ATP2A3: variants seen among roughly 807,000 people sequenced by gnomAD.
ATP2A3 encodes the protein ATPase sarcoplasmic/endoplasmic reticulum Ca2+ transporting 3.
In ATP2A3, 61 loss-of-function variants were observed where a neutral mutation model predicts 106.8. That is an observed-to-expected ratio of 0.57 (90% CI 0.46 to 0.71). ATP2A3 has a LOEUF of 0.71. ATP2A3 is among the 30% of genes least tolerant of loss of function. The pLI is 0.00. For missense variants in ATP2A3, 1,201 were observed against 1,423.5 expected (o/e 0.84, Z 2.52); for synonymous variants, 611 against 609.3 (o/e 1.00, Z -0.04).
At chr17:3,940,855 ATAAGATGTTAGAAAAGG>A in intron 14 of ATP2A3, 99 bp downstream of exon 14, 1 of 1,288,894 alleles carries the variant, frequency 7.8e-7, no homozygotes, top group Non-Finnish European at 1.1e-6. Flanking sequence ...TTTTTTGGTA[ATAAGATGTTAGAAAAGG>A]TAAGAATGAG....
chr17:3,950,823 T>A, intron 5 of ATP2A3, 50 bp from the exon 6 acceptor site: 1 of 1,575,936 alleles, frequency 6.3e-7, no homozygotes, highest in East Asian at 2.3e-5. Flanking sequence ...CACCACCAGC[T>A]GGGAAAAGCC....
At chr17:3,944,104 G>A (rs989827171) in intron 10 of ATP2A3, among the ~76,000 whole-genome samples, 5 of 152,198 alleles carry the variant, frequency 3.3e-5, no homozygotes, top group African/African-American at 9.7e-5. Flanking sequence ...GGCTCAGCCC[G>A]CATCTCTCTG....
chr17:3,931,523 C>CTT (rs368874628), intron 17 of ATP2A3, among the ~76,000 whole-genome samples: 7 of 140,470 alleles, frequency 5.0e-5, no homozygotes, highest in Non-Finnish European at 4.7e-5. Flanking sequence ...GATCTTTTTT[C>CTT]TTTTTTTTTT....
intron 7 of ATP2A3, among the ~76,000 whole-genome samples, chr17:3,950,195 C>G (rs2054335460): frequency 6.7e-6 from 1 of 148,320 alleles, no homozygotes; most frequent in Admixed American, 6.7e-5. Flanking sequence ...GAGTTTTGCT[C>G]TCGTCACCCA....
At chr17:3,927,737 G>A in intron 20 of ATP2A3, 1 of 976,976 alleles carries the variant, frequency 1.0e-6, no homozygotes. Flanking sequence ...GCCCCTACAT[G>A]TGTCTGGCCA....
rs1018326822 is a variant in ATP2A3, at chr17:3,941,036, CGCGGGCGAAGCA to C, written c.2023_2034del (p.Cys675_Arg678del). 2 of 1,613,754 alleles carry C rather than the reference CGCGGGCGAAGCA, an allele frequency of 1.2e-6. No individual in the cohort carries two copies. The highest frequency in any genetic ancestry group is 1.3e-5 in the African/African-American group (1 of 74,910). ...ATGCGGGACTTGTGTGCGGGCTCCA[CGCGGGCGAAGCA>C]GCGGGCGGTGCGGCAGGCCTGGCGC... On this transcript the variant is annotated inframe_deletion, in exon 14 of 21. Coordinates refer to ENST00000397041, the MANE Select transcript of ATP2A3 (RefSeq NM_005173.4).
At chr17:3,934,735 C>G (rs915231208) in intron 17 of ATP2A3, among the ~76,000 whole-genome samples, 3 of 151,774 alleles carry the variant, frequency 2.0e-5, no homozygotes, top group African/African-American at 7.3e-5. Context: ...CGTTGGACGG[C>G]TGGTCTCGAA....
At position 3,941,449 on chromosome 17, in the gene ATP2A3, A is replaced by T; in HGVS notation, c.1751T>A (p.Phe584Tyr). ...EDMELDDCSK[F>Y]VQYETDLTFV... ...TCCTGCACCCACCTCGTACTGCACA[A>T]ACTTGCTGCAGTCGTCCAGCTCCAT... Residue 584 changes from phenylalanine to tyrosine, a missense_variant, in exon 13 of 21, where the codon TTT (phenylalanine) becomes TAT (tyrosine). Coordinates refer to ENST00000397041, the MANE Select transcript of ATP2A3 (RefSeq NM_005173.4). 6.2e-7 allele frequency: 1 copy of T among 1,613,738 alleles called. No homozygotes were observed. The highest frequency in any genetic ancestry group is 8.5e-7 in the Non-Finnish European group (1 of 1,179,792).
Position 3,953,213 on chromosome 17 carries a change from GCCAGGGAAGGCCAGGGCGCAGGC to G in ATP2A3, c.219+111_219+133del. 9.8e-7 allele frequency: 1 copy of G among 1,018,092 alleles called. No individual in the cohort carries two copies. Among genetic ancestry groups the G allele is most frequent in the East Asian group, 2.4e-5 (1 of 41,600 alleles). The allele number at this position is 1,018,092 out of a possible 1,614,324, so 63.1% of individuals were successfully genotyped here. A position where few individuals can be genotyped will look rare whatever the true frequency, so the allele number is the denominator to read the frequency against. Reference sequence around the variant, plus strand: ...GAAGCTGAAGTCTGAGCAGGGCAGGGCCAGGGAAGGCCAGGGCGCAGGCCCAGGGTGTGGAGGACAGGCCCAGG... The same window carrying G: ...GAAGCTGAAGTCTGAGCAGGGCAGGGCCAGGGTGTGGAGGACAGGCCCAGG... On this transcript the variant is annotated intron_variant, in intron 3 of 20. Coordinates refer to ENST00000397041, the MANE Select transcript of ATP2A3 (RefSeq NM_005173.4). The surrounding 1 kb of genome is among the most constrained non-coding windows in gnomAD (Gnocchi z 5.1).
chr17:3,929,510 C>T lies in ATP2A3; in HGVS notation c.2745-65G>A. 7.3e-7 allele frequency: 1 copy of T among 1,362,974 alleles called. No individual in the cohort carries two copies. The highest frequency in any genetic ancestry group is 1.0e-6 in the Non-Finnish European group (1 of 980,334). 84.4% of individuals were successfully genotyped at this position (1,362,974 alleles called of 1,614,324 possible). ...GGGAGGCCCTGCCAGGCACCCACCC[C>T]CATGGGAGGAGCCTCACCACTTCTC... On this transcript the variant is annotated intron_variant, in intron 18 of 20. Coordinates refer to ENST00000397041, the MANE Select transcript of ATP2A3 (RefSeq NM_005173.4). This position sits in a 1 kb window ranked among gnomAD's most constrained non-coding sequence, Gnocchi z 4.3.
In ATP2A3 at chr17:3,928,786, G is replaced by T; in HGVS notation, c.2863-6C>A. ...GGGGTCACCTGGAAAATGAGCTGGC[G>T]GGGAGGGGAAGGGAGGTTTGGTTAA... On this transcript the variant is annotated splice_region_variant and splice_polypyrimidine_tract_variant and intron_variant, in intron 19 of 20. Coordinates refer to ENST00000397041, the MANE Select transcript of ATP2A3 (RefSeq NM_005173.4). This position sits in a 1 kb window ranked among gnomAD's most constrained non-coding sequence, Gnocchi z 6.1. The T allele has an allele frequency of 6.4e-7, 1 of 1,552,714 alleles. No homozygotes were observed. Among genetic ancestry groups the T allele is most frequent in the South Asian group, 1.2e-5 (1 of 84,258 alleles).
chr17:3,924,722 C>A lies in ATP2A3; in HGVS notation c.*700G>T, dbSNP rs766176314. The A allele has an allele frequency of 2.2e-6, 1 of 456,348 alleles. No individual in the cohort carries two copies. Among genetic ancestry groups the A allele is most frequent in the Non-Finnish European group, 4.4e-6 (1 of 226,784 alleles). The allele number at this position is 456,348 out of a possible 1,614,324, so 28.3% of individuals were successfully genotyped here. A position where few individuals can be genotyped will look rare whatever the true frequency, so the allele number is the denominator to read the frequency against. ...GTCCAGCCAGGCTTTCCCGACTTGT[C>A]TCCCGGGAAAGGACATCCTCGCTCC... On this transcript the variant is annotated 3_prime_UTR_variant, in exon 21 of 21. Coordinates refer to ENST00000397041, the MANE Select transcript of ATP2A3 (RefSeq NM_005173.4). The surrounding 1 kb of genome is among the most constrained non-coding windows in gnomAD (Gnocchi z 6.4).
At position 3,953,778 on chromosome 17, in the gene ATP2A3, G is replaced by A. The variant is rs78002868; in HGVS notation, c.119-68C>T. Reference sequence around the variant, plus strand: ...GAGGAGTGGGTCACGCAGGGGCCTCGGGGGAGTCTGGCAGTGCCTCCCCAC... The same window carrying A: ...GAGGAGTGGGTCACGCAGGGGCCTCAGGGGAGTCTGGCAGTGCCTCCCCAC... On this transcript the variant is annotated intron_variant, in intron 1 of 20. Coordinates refer to ENST00000397041, the MANE Select transcript of ATP2A3 (RefSeq NM_005173.4). The surrounding 1 kb of genome is among the most constrained non-coding windows in gnomAD (Gnocchi z 5.1). 2.3e-4 allele frequency: 354 copies of A among 1,527,620 alleles called. 1 individual carries two copies. The African/African-American group carries it at 3.0e-3, about 13-fold the overall frequency. The allele number at this position is 1,527,620 out of a possible 1,614,324, so 94.6% of individuals were successfully genotyped here.
In ATP2A3 at chr17:3,924,418, T is replaced by G. The variant is rs1242950742; in HGVS notation, c.*1004A>C. ...TCCTTAGTGACATCCTTTCGGCTCA[T>G]GGGTGTCGTGGGGAGGGGGCAAGGA... On this transcript the variant is annotated 3_prime_UTR_variant, in exon 21 of 21. Coordinates refer to ENST00000397041, the MANE Select transcript of ATP2A3 (RefSeq NM_005173.4). The surrounding 1 kb of genome is among the most constrained non-coding windows in gnomAD (Gnocchi z 6.4). 2 of 205,314 alleles carry G rather than the reference T, an allele frequency of 9.7e-6. No individual in the cohort carries two copies. The highest frequency in any genetic ancestry group is 1.1e-4 in the Admixed American group (2 of 17,960). 12.7% of individuals were successfully genotyped at this position (205,314 alleles called of 1,614,324 possible).
rs776804783 is a variant in ATP2A3, at chr17:3,937,619, G to A, written c.2118C>T (p.Asn706=). The change falls in exon 15 of 21, where the codon AAC becomes AAT. Residue 706 remains asparagine (N), a synonymous_variant. Transcript: ENST00000397041. ...EITAMTGDGV[N]DAPALKKAEI... ...CTGCTTTCTTCAGGGCTGGTGCGTC[G>A]TTCACTCCATCGCCAGTCTGTGGGC... The A allele has an allele frequency of 1.7e-5, 28 of 1,613,684 alleles. No individual in the cohort carries two copies. Among genetic ancestry groups the A allele is most frequent in the African/African-American group, 1.3e-4 (10 of 74,914 alleles).
intron 9 of ATP2A3, 81 bp downstream of exon 9, chr17:3,944,979 C>T (rs2054023910): frequency 7.6e-7 from 1 of 1,316,638 alleles, no homozygotes; most frequent in East Asian, 3.3e-5. Context: ...CCCCAGGGGC[C>T]TCCCACGGCC....
intron 17 of ATP2A3, among the ~76,000 whole-genome samples, chr17:3,933,997 C>T (rs7219670): frequency 0.15 from 23,328 of 150,676 alleles, 2,257 homozygotes; most frequent in African/African-American, 0.22. Flanking sequence ...GATCTCAGCT[C>T]ACTGCAACTT....
In ATP2A3 at chr17:3,925,055, A is replaced by G. The variant is rs1227523695; in HGVS notation, c.*367T>C. 1.3e-5 allele frequency: 6 copies of G among 463,290 alleles called. No individual in the cohort carries two copies. The highest frequency in any genetic ancestry group is 6.1e-4 in the Middle Eastern group (1 of 1,628). 28.7% of individuals were successfully genotyped at this position (463,290 alleles called of 1,614,324 possible). A position where few individuals can be genotyped will look rare whatever the true frequency, so the allele number is the denominator to read the frequency against. On this transcript the variant is annotated 3_prime_UTR_variant, in exon 21 of 21. Coordinates refer to ENST00000397041, the MANE Select transcript of ATP2A3 (RefSeq NM_005173.4). This position sits in a 1 kb window ranked among gnomAD's most constrained non-coding sequence, Gnocchi z 4.2. ...AACGTCCAGCTTCCGAACAAGGGGG[A>G]GCAAGCTCCAGCTGCACTCGTGATT...
At chr17:3,931,524 T>TC in intron 17 of ATP2A3, among the ~76,000 whole-genome samples, 1 of 120,834 alleles carries the variant, frequency 8.3e-6, no homozygotes. Flanking sequence ...ATCTTTTTTC[T>TC]TTTTTTTTTT....
Sources: allele counts gnomAD v4.1 joint callset (sites outside exome capture counted in the v4.1 genomes callset), GRCh38; gene constraint gnomAD v4.1.1; non-coding constraint Gnocchi (gnomAD v3.1); transcripts MANE v1.5; gene names NCBI Gene and HGNC (gene_info 2026-07-23, HGNC 2026-07-21).